TRHR: variants seen among roughly 807,000 people sequenced by gnomAD.
TRHR encodes thyrotropin releasing hormone receptor.
Under a neutral mutation model 28.0 loss-of-function variants are expected in TRHR, and 14 were observed. The ratio of observed to expected loss-of-function variants is 0.50; its 90% CI spans 0.33 to 0.78. TRHR has a LOEUF of 0.78. Ranked by LOEUF, TRHR falls within the 30% of genes least tolerant of loss-of-function variation. The pLI is 0.02. For synonymous variants in TRHR, 176 were observed against 171.9 expected (o/e 1.02, Z -0.18); for missense variants, 438 against 469.5 (o/e 0.93, Z 0.62).
chr8:109,109,999 A>G (rs1487873055), intron 2 of TRHR, among the ~76,000 whole-genome samples: 4 of 152,150 alleles, frequency 2.6e-5, no homozygotes, highest in Admixed American at 2.0e-4. Context: ...GCTTTATGTC[A>G]TCCTGTAACT....
In TRHR at chr8:109,094,017, C is replaced by T. The variant is rs3134114; in HGVS notation, c.789+5716C>T. On this transcript the variant is annotated intron_variant, in intron 2 of 2. Transcript: ENST00000518632. ...CAATGTTGGAATGTCAGGCAGTAGG[C>T]CTGGCATTTGGGACCATAAAATCTC... Among the ~76,000 whole-genome samples, 557 of 151,996 alleles carry T rather than the reference C, an allele frequency of 3.7e-3. 4 individuals are homozygous for T. The highest frequency in any genetic ancestry group is 0.012 in the African/African-American group (503 of 41,430).
At chr8:109,108,438 CT>C (rs1038804726) in intron 2 of TRHR, among the ~76,000 whole-genome samples, 2 of 152,264 alleles carry the variant, frequency 1.3e-5, no homozygotes, top group African/African-American at 4.8e-5. Flanking sequence ...AATATCTCCC[CT>C]GGGAAAGATC....
chr8:109,104,981 C>T (rs1270401149), intron 2 of TRHR, among the ~76,000 whole-genome samples: 3 of 152,062 alleles, frequency 2.0e-5, no homozygotes, highest in Admixed American at 6.6e-5. Flanking sequence ...ATGCAACAGA[C>T]TACATGTCTG....
chr8:109,113,070 G>A (rs1586194934), intron 2 of TRHR, among the ~76,000 whole-genome samples: 1 of 152,208 alleles, frequency 6.6e-6, no homozygotes, highest in Middle Eastern at 3.4e-3. Flanking sequence ...TCTTAAATGT[G>A]TGACTAAGAA....
At chr8:109,096,243 T>G (rs1318264054) in intron 2 of TRHR, among the ~76,000 whole-genome samples, 1 of 152,246 alleles carries the variant, frequency 6.6e-6, no homozygotes, top group Admixed American at 6.5e-5. Context: ...GGAACACTGT[T>G]CATCTTGCAA....
At chr8:109,094,511 G>A (rs528343217) in intron 2 of TRHR, among the ~76,000 whole-genome samples, 23 of 152,052 alleles carry the variant, frequency 1.5e-4, no homozygotes, top group Non-Finnish European at 2.4e-4. Context: ...AGAAAAATGT[G>A]TAATTTTTGT....
At chr8:109,091,784 T>C (rs1307813534) in intron 2 of TRHR, among the ~76,000 whole-genome samples, 2 of 152,220 alleles carry the variant, frequency 1.3e-5, no homozygotes, top group Non-Finnish European at 1.5e-5. Context: ...GTAAGATAAA[T>C]TACCCAAACT....
chr8:109,095,834 C>T (rs544873645), intron 2 of TRHR, among the ~76,000 whole-genome samples: 56 of 152,094 alleles, frequency 3.7e-4, no homozygotes, highest in African/African-American at 1.1e-3. Context: ...GTTATCCCCC[C>T]GCCCCCCATA....
intron 2 of TRHR, among the ~76,000 whole-genome samples, chr8:109,106,084 A>G (rs1031319125): frequency 1.3e-4 from 20 of 152,218 alleles, no homozygotes; most frequent in Non-Finnish European, 2.8e-4. Flanking sequence ...AGCTTATCAC[A>G]GGCAGCCTAA....
intron 2 of TRHR, among the ~76,000 whole-genome samples, chr8:109,109,863 A>T (rs1811803727): frequency 6.6e-6 from 1 of 152,166 alleles, no homozygotes; most frequent in African/African-American, 2.4e-5. Flanking sequence ...CCCACACCAG[A>T]GTGAGAAGCA....
chr8:109,114,611 C>T (rs537772278), intron 2 of TRHR, among the ~76,000 whole-genome samples: 1 of 152,168 alleles, frequency 6.6e-6, no homozygotes, highest in African/African-American at 2.4e-5. Flanking sequence ...TTGGAATTTG[C>T]ACATTAAATT....
chr8:109,110,595 C>T (rs1222876436), intron 2 of TRHR, among the ~76,000 whole-genome samples: 2 of 152,138 alleles, frequency 1.3e-5, no homozygotes, highest in Non-Finnish European at 2.9e-5. Flanking sequence ...AGGTTCAGTA[C>T]TTGACAAGCG....
Position 109,092,765 on chromosome 8 carries a change from G to A in TRHR, c.789+4464G>A, listed in dbSNP as rs149061700. Reference sequence around the variant, plus strand: ...AACTTTCCTTTTTAAAGTAATGCACGCCTTTTGCTGTTATTGGTGATAATG... The same window carrying A: ...AACTTTCCTTTTTAAAGTAATGCACACCTTTTGCTGTTATTGGTGATAATG... On this transcript the variant is annotated intron_variant, in intron 2 of 2. Transcript: ENST00000518632. Among the ~76,000 whole-genome samples, 283 of 152,058 alleles carry A rather than the reference G, an allele frequency of 1.9e-3. 4 individuals carry two copies. The highest frequency in any genetic ancestry group is 5.9e-3 in the African/African-American group (243 of 41,480).
At chr8:109,091,760 G>A (rs899490608) in intron 2 of TRHR, among the ~76,000 whole-genome samples, 3 of 152,172 alleles carry the variant, frequency 2.0e-5, no homozygotes, top group Non-Finnish European at 2.9e-5. Context: ...ACATCTAAAT[G>A]TTGGGTAAAT....
chr8:109,119,675 T>C lies in TRHR; in HGVS notation c.*220T>C, dbSNP rs541699599. The C allele has an allele frequency of 3.6e-5, 19 of 526,494 alleles. No individual in the cohort carries two copies. The highest frequency in any genetic ancestry group is 5.1e-4 in the Middle Eastern group (1 of 1,974). 32.6% of individuals were successfully genotyped at this position (526,494 alleles called of 1,614,324 possible). On this transcript the variant is annotated 3_prime_UTR_variant, in exon 3 of 3. Coordinates refer to ENST00000518632, the MANE Select transcript of TRHR (RefSeq NM_003301.7). ...CTAAAAATGGAGCAGATCTGTGAAA[T>C]AGCTAAATGATGGAAACTTAAAGTT...
At position 109,119,581 on chromosome 8, in the gene TRHR, C is replaced by T; in HGVS notation, c.*126C>T. Reference sequence around the variant, plus strand: ...AGATCAGTCTTTGTCAATGCTCTAACAAATTCTGGCCCTAGATACTTTAAC... The same window carrying T: ...AGATCAGTCTTTGTCAATGCTCTAATAAATTCTGGCCCTAGATACTTTAAC... On this transcript the variant is annotated 3_prime_UTR_variant, in exon 3 of 3. Transcript: ENST00000518632. 1 of 1,146,570 alleles carries T rather than the reference C, an allele frequency of 8.7e-7. No homozygotes were observed. The highest frequency in any genetic ancestry group is 2.2e-5 in the Admixed American group (1 of 46,492). The allele number at this position is 1,146,570 out of a possible 1,614,324, so 71.0% of individuals were successfully genotyped here.
At position 109,087,793 on chromosome 8, in the gene TRHR, G is replaced by A. The variant is rs750099981; in HGVS notation, c.281G>A (p.Gly94Asp). ...TDSIYGSWVY[G>D]YVGCLCITYL... ...AGTATCTACGGTTCCTGGGTCTATG[G>A]CTATGTTGGATGCCTCTGCATTACT... Residue 94 changes from glycine to aspartate, a missense_variant, in exon 2 of 3, where the codon GGC becomes GAC. Coordinates refer to ENST00000518632, the MANE Select transcript of TRHR (RefSeq NM_003301.7). The A allele has an allele frequency of 6.2e-7, 1 of 1,614,172 alleles. No individual in the cohort carries two copies. The highest frequency in any genetic ancestry group is 1.1e-5 in the South Asian group (1 of 91,084).
intron 2 of TRHR, among the ~76,000 whole-genome samples, chr8:109,098,660 C>T (rs1191557756): frequency 6.6e-6 from 1 of 152,196 alleles, no homozygotes; most frequent in African/African-American, 2.4e-5. Flanking sequence ...TCCCCCAACA[C>T]ACCCTCATAC....
At chr8:109,093,367 C>T (rs1030838622) in intron 2 of TRHR, among the ~76,000 whole-genome samples, 5 of 150,966 alleles carry the variant, frequency 3.3e-5, no homozygotes, top group Admixed American at 1.3e-4. Context: ...TTCTCCCCTG[C>T]CTCACTCCAA....
Sources: gnomAD v4.1 joint callset for allele counts (sites outside exome capture counted in the v4.1 genomes callset) on GRCh38, gnomAD v4.1.1 for gene constraint, MANE v1.5 for transcripts, NCBI Gene and HGNC (gene_info 2026-07-23, HGNC 2026-07-21) for gene names.